Variants in NFATC3 observed in about 807,000 individuals in gnomAD.
NFATC3 encodes the protein nuclear factor of activated T cells 3.
Under a neutral mutation model 98.6 loss-of-function variants are expected in NFATC3, and 46 were observed. The ratio of observed to expected loss-of-function variants is 0.47; its 90% CI spans 0.37 to 0.60. NFATC3 has a LOEUF of 0.60. Among genes scored for constraint, NFATC3 ranks in the 20% least tolerant of loss-of-function variants. The probability of loss-of-function intolerance (pLI) is 0.00; values close to 1 mark genes in which losing one functional copy is unlikely to be tolerated. For synonymous variants in NFATC3, 512 were observed against 472.2 expected, an observed-to-expected ratio of 1.08 and a Z score of -1.09; for missense variants, 1,256 against 1,295.5, an observed-to-expected ratio of 0.97 and a Z score of 0.47.
In NFATC3 at chr16:68,163,695, G is replaced by T. The variant is rs563400046; in HGVS notation, c.1602-3148G>T. On this transcript the variant is annotated intron_variant, in intron 4 of 9. Coordinates refer to ENST00000346183, the MANE Select transcript of NFATC3 (RefSeq NM_173165.3). Reference sequence around the variant, plus strand: ...TCCTCACTTCTCTGACGGGGCGGCCGGGCAGAGACGCTCCTCACCTCCCAG... The same window carrying T: ...TCCTCACTTCTCTGACGGGGCGGCCTGGCAGAGACGCTCCTCACCTCCCAG... Among the ~76,000 whole-genome samples the T allele has an allele frequency of 2.0e-5, 3 of 148,918 alleles. No individual in the cohort carries two copies. The South Asian group carries it at 6.3e-4, about 31-fold the overall frequency.
At chr16:68,147,095 T>C (rs1301681364) in intron 3 of NFATC3, among the ~76,000 whole-genome samples, 1 of 152,212 alleles carries the variant, frequency 6.6e-6, no homozygotes, top group Non-Finnish European at 1.5e-5. Flanking sequence ...TGAAATCTTA[T>C]ATGAGTGATT....
chr16:68,171,254 C>T (rs945826967), intron 5 of NFATC3, among the ~76,000 whole-genome samples: 20 of 152,006 alleles, frequency 1.3e-4, no homozygotes, highest in African/African-American at 2.7e-4. Flanking sequence ...GATGATCTGC[C>T]GGCCTTGGTC....
intron 1 of NFATC3, among the ~76,000 whole-genome samples, chr16:68,102,719 T>G (rs8058690): frequency 0.18 from 27,975 of 152,122 alleles, 2,953 homozygotes; most frequent in African/African-American, 0.28. Context: ...CCTACAAATG[T>G]AATTGCTTGT....
intron 3 of NFATC3, among the ~76,000 whole-genome samples, chr16:68,140,516 G>T (rs536708083): frequency 6.6e-6 from 1 of 152,170 alleles, no homozygotes; most frequent in Non-Finnish European, 1.5e-5. Context: ...CCAAGGTTTA[G>T]TAGCCACATG....
chr16:68,191,288 G>A lies in NFATC3; in HGVS notation c.2619G>A (p.Val873=). 6.2e-7 allele frequency: 1 copy of A among 1,614,144 alleles called. No homozygotes were observed. The highest frequency in any genetic ancestry group is 1.7e-5 in the Admixed American group (1 of 60,020). ...GHLLAHTPHS[V]HTLPHLQSMG... The stretch of plus-strand genomic sequence containing the variant: ...TCTTAGCCCATACACCTCATTCTGT[G>A]CATACCCTGCCTCATCTGCAATCAA... The change falls in exon 9 of 10, where the codon GTG becomes GTA. Residue 873 remains valine (V), a synonymous_variant. Coordinates refer to ENST00000346183, the MANE Select transcript of NFATC3 (RefSeq NM_173165.3).
chr16:68,186,445 C>T (rs1002328186), intron 8 of NFATC3, among the ~76,000 whole-genome samples: 2 of 152,040 alleles, frequency 1.3e-5, no homozygotes, highest in African/African-American at 4.8e-5. Context: ...GAGGCTGAGG[C>T]AGGAGAATGG....
intron 9 of NFATC3, among the ~76,000 whole-genome samples, chr16:68,204,020 T>G (rs1036714943): frequency 7.2e-5 from 11 of 151,980 alleles, no homozygotes; most frequent in African/African-American, 1.2e-4. Flanking sequence ...AAACCCCGTC[T>G]CTACTGAAAA....
At chr16:68,203,006 T>C (rs1314301963) in intron 9 of NFATC3, among the ~76,000 whole-genome samples, 3 of 152,074 alleles carry the variant, frequency 2.0e-5, no homozygotes, top group Non-Finnish European at 2.9e-5. Context: ...TTGGGAAGCA[T>C]ACATGTACTA....
At chr16:68,103,759 T>A (rs1373619380) in intron 1 of NFATC3, among the ~76,000 whole-genome samples, 1 of 152,230 alleles carries the variant, frequency 6.6e-6, no homozygotes, top group Non-Finnish European at 1.5e-5. Context: ...TTCTTTTGCA[T>A]GTGATAATCC....
At chr16:68,158,817 G>T (rs978107935) in intron 4 of NFATC3, among the ~76,000 whole-genome samples, 1 of 152,118 alleles carries the variant, frequency 6.6e-6, no homozygotes, top group Non-Finnish European at 1.5e-5. Context: ...ACTTCCATTG[G>T]AGTCAAATCC....
intron 8 of NFATC3, among the ~76,000 whole-genome samples, chr16:68,185,719 C>T (rs954930035): frequency 4.0e-5 from 6 of 151,894 alleles, no homozygotes; most frequent in Non-Finnish European, 8.8e-5. Flanking sequence ...AAAAATCAGC[C>T]GGGCATTGTG....
intron 1 of NFATC3, among the ~76,000 whole-genome samples, chr16:68,091,407 T>C (rs1018187391): frequency 6.6e-6 from 1 of 152,210 alleles, no homozygotes; most frequent in Non-Finnish European, 1.5e-5. Flanking sequence ...CAAATTCTGC[T>C]TTTGAAGTTT....
chr16:68,148,377 A>G (rs1427850653), intron 3 of NFATC3, among the ~76,000 whole-genome samples: 1 of 152,190 alleles, frequency 6.6e-6, no homozygotes, highest in Non-Finnish European at 1.5e-5. Flanking sequence ...AATAGTTTCC[A>G]TAATTAAAGC....
intron 1 of NFATC3, among the ~76,000 whole-genome samples, chr16:68,112,723 A>G (rs932542285): frequency 2.8e-5 from 4 of 143,316 alleles, no homozygotes; most frequent in African/African-American, 1.1e-4. Flanking sequence ...CAGTGGCGCA[A>G]TCTCGGCTCA....
chr16:68,108,305 T>G (rs1324139744), intron 1 of NFATC3, among the ~76,000 whole-genome samples: 1 of 152,228 alleles, frequency 6.6e-6, no homozygotes, highest in East Asian at 1.9e-4. Flanking sequence ...GGCTAGCCAG[T>G]TCTCCCAATA....
At chr16:68,196,506 G>GA (rs757039263) in intron 9 of NFATC3, among the ~76,000 whole-genome samples, 2 of 151,888 alleles carry the variant, frequency 1.3e-5, no homozygotes, top group African/African-American at 2.4e-5. Context: ...TAGATGCCTA[G>GA]AAAAAAAAGT....
chr16:68,176,969 T>G (rs2039739642), intron 6 of NFATC3, among the ~76,000 whole-genome samples: 1 of 152,090 alleles, frequency 6.6e-6, no homozygotes, highest in African/African-American at 2.4e-5. Flanking sequence ...GTAGGACTAG[T>G]CAGATTTGTT....
At chr16:68,105,152 A>G (rs2035587633) in intron 1 of NFATC3, among the ~76,000 whole-genome samples, 1 of 138,808 alleles carries the variant, frequency 7.2e-6, no homozygotes, top group South Asian at 2.2e-4. Context: ...GTACACTGGT[A>G]TGATCTTGGC....
chr16:68,131,024 A>G (rs190378643), intron 3 of NFATC3, among the ~76,000 whole-genome samples: 161 of 152,164 alleles, frequency 1.1e-3, no homozygotes, highest in African/African-American at 3.7e-3. Flanking sequence ...TTTTATATCA[A>G]TACTGTGCTG....
Sources: gnomAD v4.1 joint callset for allele counts (sites outside exome capture counted in the v4.1 genomes callset) on GRCh38, gnomAD v4.1.1 for gene constraint, MANE v1.5 for transcripts, NCBI Gene and HGNC (gene_info 2026-07-23, HGNC 2026-07-21) for gene names.